NUMB: variants seen among roughly 807,000 people sequenced by gnomAD.
NUMB encodes the protein protein numb homolog.
A neutral mutation model predicts 59.7 loss-of-function variants in NUMB; 29 were observed. The observed-to-expected ratio is 0.49, with a 90% CI of 0.36 to 0.66. NUMB has a LOEUF of 0.66. Ranked by LOEUF, NUMB falls within the 30% of genes least tolerant of loss-of-function variation. The pLI, the probability that NUMB is intolerant of heterozygous loss-of-function variation, is 0.00. For synonymous variants in NUMB, 288 were observed against 288.2 expected (o/e 1.00, Z 0.01); for missense variants, 723 against 822.0 (o/e 0.88, Z 1.47).
rs1406816784 is a variant in NUMB, at chr14:73,367,296, T to TATATATACAC, written c.-100-316_-100-315insGTGTATATAT. ...ATAAAATACTATATATATATATATATACACACACACACACACACACACACA... is the reference window on the plus strand; with the variant it reads ...ATAAAATACTATATATATATATATATATATATACACACACACACACACACACACACACACA... On this transcript the variant is annotated intron_variant, in intron 2 of 12. Transcript: ENST00000555238. 6.1e-3 allele frequency among the ~76,000 whole-genome samples: 734 copies of TATATATACAC among 120,834 alleles called. 8 individuals carry two copies. Among genetic ancestry groups the TATATATACAC allele is most frequent in the African/African-American group, 0.019 (526 of 27,388 alleles). The allele number at this position is 120,834 out of a possible 152,430, so 79.3% of individuals were successfully genotyped here.
At chr14:73,398,412 G>C (rs1198379482) in intron 2 of NUMB, among the ~76,000 whole-genome samples, 2 of 103,248 alleles carry the variant, frequency 1.9e-5, no homozygotes, top group Admixed American at 1.8e-4. Context: ...GAGAGAGAGA[G>C]AGAGTGTGTG....
chr14:73,438,541 G>C (rs1177707039), intron 1 of NUMB, among the ~76,000 whole-genome samples: 2 of 148,424 alleles, frequency 1.3e-5, no homozygotes, highest in Non-Finnish European at 3.0e-5. Context: ...CAAGGCACGG[G>C]AATCGCTTGA....
intron 2 of NUMB, among the ~76,000 whole-genome samples, chr14:73,403,583 T>C (rs112158328): frequency 1.3e-3 from 201 of 152,238 alleles, no homozygotes; most frequent in African/African-American, 4.6e-3. Context: ...ATTGCACACA[T>C]GGTAAGAGCC....
intron 1 of NUMB, among the ~76,000 whole-genome samples, chr14:73,430,133 T>C (rs1422898803): frequency 6.6e-6 from 1 of 150,724 alleles, no homozygotes; most frequent in Non-Finnish European, 1.5e-5. Flanking sequence ...TAAATTTACA[T>C]TAATAAATAT....
At chr14:73,419,858 G>C (rs775775002) in intron 1 of NUMB, among the ~76,000 whole-genome samples, 1 of 152,128 alleles carries the variant, frequency 6.6e-6, no homozygotes, top group Non-Finnish European at 1.5e-5. Context: ...TCCAAACTTA[G>C]TCCAAGCTGA....
intron 9 of NUMB, chr14:73,286,763 C>T (rs1889034439): frequency 4.5e-5 from 14 of 309,626 alleles, no homozygotes; most frequent in South Asian, 4.3e-4. Context: ...CTGCTGCTTC[C>T]TTTAAGATGC....
intron 2 of NUMB, among the ~76,000 whole-genome samples, chr14:73,379,777 A>T (rs577746331): frequency 6.6e-6 from 1 of 152,186 alleles, no homozygotes; most frequent in Non-Finnish European, 1.5e-5. Context: ...GAGGAATAAC[A>T]AGGAGATGAT....
At chr14:73,343,379 G>A (rs1380047712) in intron 4 of NUMB, among the ~76,000 whole-genome samples, 1 of 151,992 alleles carries the variant, frequency 6.6e-6, no homozygotes. Context: ...ATGAACAAGA[G>A]GACAAAAAGG....
At chr14:73,381,840 T>A (rs2140078657) in intron 2 of NUMB, among the ~76,000 whole-genome samples, 1 of 152,132 alleles carries the variant, frequency 6.6e-6, no homozygotes, top group East Asian at 1.9e-4. Context: ...AAGTAATTAA[T>A]AAAAACAAAT....
intron 2 of NUMB, among the ~76,000 whole-genome samples, chr14:73,377,737 C>A (rs542325079): frequency 6.6e-6 from 1 of 152,158 alleles, no homozygotes; most frequent in Admixed American, 6.5e-5. Context: ...GAGGCCAAGG[C>A]GGGCAGATCA....
chr14:73,377,675 C>T (rs1356789695), intron 2 of NUMB, among the ~76,000 whole-genome samples: 2 of 151,680 alleles, frequency 1.3e-5, no homozygotes, highest in African/African-American at 4.8e-5. Context: ...AACTATTATC[C>T]AAAATATAGG....
intron 1 of NUMB, among the ~76,000 whole-genome samples, chr14:73,423,871 C>A (rs1392836468): frequency 6.8e-6 from 1 of 146,096 alleles, no homozygotes; most frequent in Non-Finnish European, 1.5e-5. Flanking sequence ...GAGGGTGAGG[C>A]AGGAGAATCG....
At chr14:73,377,207 A>G (rs1327122798) in intron 2 of NUMB, among the ~76,000 whole-genome samples, 1 of 152,240 alleles carries the variant, frequency 6.6e-6, no homozygotes, top group Non-Finnish European at 1.5e-5. Flanking sequence ...CAAAGGCACA[A>G]CCCATTAAAG....
rs1891219696 is a variant in NUMB at position 73,318,744 on chromosome 14, T to A, written c.202-2322A>T. 2.6e-5 allele frequency among the ~76,000 whole-genome samples: 4 copies of A among 152,172 alleles called. No homozygotes were observed. The South Asian group carries it at 8.3e-4, about 32-fold the overall frequency. On this transcript the variant is annotated intron_variant, in intron 5 of 12. Coordinates refer to ENST00000555238, the MANE Select transcript of NUMB (RefSeq NM_001005743.2). The stretch of plus-strand genomic sequence containing the variant: ...GAGGTTATATGACAAAGTAAATGAG[T>A]TGAAAATAGCTGTCAATAACTTTAT...
chr14:73,345,685 A>G (rs1325547099), intron 4 of NUMB, among the ~76,000 whole-genome samples: 1 of 151,984 alleles, frequency 6.6e-6, no homozygotes, highest in Non-Finnish European at 1.5e-5. Context: ...CCGAGGGTGG[A>G]TCATCTGAGG....
chr14:73,410,891 T>TC (rs1290267521), intron 1 of NUMB, among the ~76,000 whole-genome samples: 1 of 152,172 alleles, frequency 6.6e-6, no homozygotes, highest in Non-Finnish European at 1.5e-5. Context: ...ACCCAAAACG[T>TC]AAGATTAGTC....
At chr14:73,312,791 T>C (rs1890848397) in intron 6 of NUMB, among the ~76,000 whole-genome samples, 1 of 151,816 alleles carries the variant, frequency 6.6e-6, no homozygotes, top group African/African-American at 2.4e-5. Flanking sequence ...CCTCAACTGC[T>C]TCTGATATTT....
intron 2 of NUMB, among the ~76,000 whole-genome samples, chr14:73,388,229 C>T (rs1375447077): frequency 6.6e-6 from 1 of 152,120 alleles, no homozygotes; most frequent in Admixed American, 6.5e-5. Context: ...AGTTCTGGGC[C>T]AGGCATGAGC....
chr14:73,425,179 A>T (rs8016448), intron 1 of NUMB, among the ~76,000 whole-genome samples: 33,070 of 152,002 alleles, frequency 0.22, 3,908 homozygotes, highest in Non-Finnish European at 0.24. Context: ...GACTTCTTTG[A>T]TTCACAGCTA....
Sources: gnomAD v4.1 joint callset for allele counts (sites outside exome capture counted in the v4.1 genomes callset) on GRCh38, gnomAD v4.1.1 for gene constraint, MANE v1.5 for transcripts, NCBI Gene and HGNC (gene_info 2026-07-23, HGNC 2026-07-21) for gene names.